Variants in GDPD4 observed in about 807,000 individuals in gnomAD.
GDPD4 encodes the protein glycerophosphodiester phosphodiesterase 6.
GDPD4 carries 60 observed loss-of-function variants against 67.8 expected under a neutral mutation model. The ratio of observed to expected loss-of-function variants is 0.88; its 90% CI spans 0.72 to 1.10. The LOEUF (loss-of-function observed/expected upper bound fraction) is 1.10. Ranked by LOEUF, GDPD4 falls within the 50% of genes least tolerant of loss-of-function variation. The pLI is 0.00. For missense variants in GDPD4, 623 were observed against 613.9 expected (o/e 1.01, Z -0.16); for synonymous variants, 212 against 210.9 (o/e 1.00, Z -0.04).
At chr11:77,298,729 G>A (rs1206169194) in intron 1 of GDPD4, among the ~76,000 whole-genome samples, 3 of 152,080 alleles carry the variant, frequency 2.0e-5, no homozygotes, top group Non-Finnish European at 2.9e-5. Context: ...ATCTAGCTAT[G>A]TTAACAGAGA....
At chr11:77,260,897 G>A (rs1330710841) in intron 10 of GDPD4, among the ~76,000 whole-genome samples, 1 of 152,038 alleles carries the variant, frequency 6.6e-6, no homozygotes, top group Admixed American at 6.6e-5. Flanking sequence ...AAAGAATGAG[G>A]CATCAGTGAC....
chr11:77,288,067 T>C (rs1046187075), intron 1 of GDPD4, among the ~76,000 whole-genome samples: 1 of 152,136 alleles, frequency 6.6e-6, no homozygotes, highest in Non-Finnish European at 1.5e-5. Context: ...GTGTACATCA[T>C]CAAGGAGCCT....
intron 9 of GDPD4, 25 bp downstream of exon 9, chr11:77,268,899 C>T (rs775105958): frequency 6.2e-7 from 1 of 1,609,640 alleles, no homozygotes; most frequent in South Asian, 1.1e-5. Context: ...TTATTTTCAC[C>T]CATGTTCATC....
intron 16 of GDPD4, among the ~76,000 whole-genome samples, chr11:77,225,803 G>A (rs1026043762): frequency 4.6e-5 from 7 of 152,132 alleles, no homozygotes; most frequent in Non-Finnish European, 8.8e-5. Flanking sequence ...GGCAACACAT[G>A]GCACTCCGTA....
intron 16 of GDPD4, among the ~76,000 whole-genome samples, chr11:77,222,548 G>A (rs1002819930): frequency 3.9e-5 from 6 of 152,206 alleles, no homozygotes; most frequent in African/African-American, 1.4e-4. Context: ...TAAGAATGTT[G>A]AATATTGGCC....
At chr11:77,285,554 A>G (rs552626341) in intron 2 of GDPD4, among the ~76,000 whole-genome samples, 2 of 152,328 alleles carry the variant, frequency 1.3e-5, no homozygotes, top group Middle Eastern at 3.4e-3. Flanking sequence ...TCAGCAATTA[A>G]TTTATTGATT....
chr11:77,281,807 T>C (rs982136044), intron 3 of GDPD4, among the ~76,000 whole-genome samples: 1 of 152,152 alleles, frequency 6.6e-6, no homozygotes, highest in African/African-American at 2.4e-5. Flanking sequence ...CATCTAAATG[T>C]GTGAACAGAC....
intron 10 of GDPD4, among the ~76,000 whole-genome samples, chr11:77,263,576 G>A (rs920650907): frequency 6.6e-6 from 1 of 151,894 alleles, no homozygotes; most frequent in Admixed American, 6.6e-5. Flanking sequence ...AAAATTTAAA[G>A]GGGTGCCAAA....
chr11:77,232,972 C>G, intron 14 of GDPD4, 53 bp downstream of exon 14: 6 of 1,579,470 alleles, frequency 3.8e-6, no homozygotes, highest in South Asian at 3.3e-5. Context: ...GGCTGGGGGG[C>G]CTGCACTGCT....
At chr11:77,227,356 A>G (rs765661765) in intron 16 of GDPD4, among the ~76,000 whole-genome samples, 14 of 152,142 alleles carry the variant, frequency 9.2e-5, no homozygotes, top group Admixed American at 2.0e-4. Context: ...TCCAACATAT[A>G]TCACCCACAA....
intron 3 of GDPD4, among the ~76,000 whole-genome samples, chr11:77,279,667 A>G (rs1959666405): frequency 6.6e-6 from 1 of 152,120 alleles, no homozygotes; most frequent in African/African-American, 2.4e-5. Context: ...GTCCTCTTTT[A>G]AAAATTAACA....
intron 11 of GDPD4, among the ~76,000 whole-genome samples, chr11:77,250,456 A>T (rs528449930): frequency 6.6e-6 from 1 of 152,312 alleles, no homozygotes; most frequent in East Asian, 1.9e-4. Context: ...TTTGTGGTGT[A>T]TATACTTGTA....
intron 11 of GDPD4, among the ~76,000 whole-genome samples, chr11:77,246,177 T>C (rs977694540): frequency 1.3e-5 from 2 of 152,082 alleles, no homozygotes; most frequent in Non-Finnish European, 2.9e-5. Context: ...TCCTAACTAC[T>C]AAGGAGGCTA....
rs536119472 is a variant in GDPD4 at position 77,282,420 on chromosome 11, C to T, written c.53+2665G>A. ...CTGCAATCCCAGCAATTTGGGAGGT[C>T]GAGCGGGCAGATCACTTGAGCTCAG... On this transcript the variant is annotated intron_variant, in intron 3 of 16. Coordinates refer to ENST00000315938, the MANE Select transcript of GDPD4 (RefSeq NM_182833.3). 1.2e-4 allele frequency among the ~76,000 whole-genome samples: 18 copies of T among 152,124 alleles called. No individual in the cohort carries two copies. The South Asian group carries it at 3.1e-3, about 26-fold the overall frequency.
At chr11:77,246,752 AC>A (rs1958791687) in intron 11 of GDPD4, among the ~76,000 whole-genome samples, 1 of 151,968 alleles carries the variant, frequency 6.6e-6, no homozygotes, top group Non-Finnish European at 1.5e-5. Flanking sequence ...CTCTCTGCTG[AC>A]TCTACTGGAG....
intron 10 of GDPD4, 144 bp downstream of exon 10, chr11:77,268,313 G>T: frequency 1.6e-6 from 1 of 639,720 alleles, no homozygotes; most frequent in East Asian, 2.6e-5. Context: ...TGGTTCATTT[G>T]TGTAGTACAT....
At chr11:77,227,287 G>A (rs923381171) in intron 16 of GDPD4, among the ~76,000 whole-genome samples, 1 of 152,200 alleles carries the variant, frequency 6.6e-6, no homozygotes, top group Non-Finnish European at 1.5e-5. Context: ...CTGCCAATAT[G>A]CAGTGACTTG....
rs1396415080 is a variant in GDPD4 at position 77,224,952 on chromosome 11, T to TA, written c.1525+2911dup. 5.4e-5 allele frequency among the ~76,000 whole-genome samples: 8 copies of TA among 149,288 alleles called. No individual in the cohort carries two copies. In the South Asian group the frequency reaches 1.7e-3, roughly 32 times the overall value. ...TGCCATCTCTACCTTTTTTTTTTTT[T>TA]AATTAGCCAGTCATAATGGTTTGTG... On this transcript the variant is annotated intron_variant, in intron 16 of 16. Coordinates refer to ENST00000315938, the MANE Select transcript of GDPD4 (RefSeq NM_182833.3).
At chr11:77,242,900 C>T (rs2135842192) in intron 13 of GDPD4, among the ~76,000 whole-genome samples, 1 of 151,028 alleles carries the variant, frequency 6.6e-6, no homozygotes, top group East Asian at 2.0e-4. Flanking sequence ...TTTACTAAAC[C>T]CAAAGGAGAC....
Sources: gnomAD v4.1 joint callset for allele counts (sites outside exome capture counted in the v4.1 genomes callset) on GRCh38, gnomAD v4.1.1 for gene constraint, MANE v1.5 for transcripts, NCBI Gene and HGNC (gene_info 2026-07-23, HGNC 2026-07-21) for gene names.